DLG2: variants seen among roughly 807,000 people sequenced by gnomAD.
DLG2 encodes discs large MAGUK scaffold protein 2.
A neutral mutation model predicts 132.5 loss-of-function variants in DLG2; 45 were observed. The observed-to-expected ratio is 0.34, with a 90% CI of 0.27 to 0.44. DLG2 has a LOEUF of 0.44. Ranked by LOEUF, DLG2 falls within the 20% of genes least tolerant of loss-of-function variation. DLG2 has a pLI of 1.00. For missense variants in DLG2, 1,045 were observed against 1,196.9 expected (o/e 0.87, Z 1.87); for synonymous variants, 424 against 419.6 (o/e 1.01, Z -0.13).
chr11:84,563,881 G>A (rs1454062958), intron 6 of DLG2, among the ~76,000 whole-genome samples: 1 of 152,136 alleles, frequency 6.6e-6, no homozygotes, highest in African/African-American at 2.4e-5. Context: ...GGCTAGAAAA[G>A]TGGCTCTCTT....
Position 85,525,792 on chromosome 11 carries a change from T to C in DLG2, c.40+72865A>G, listed in dbSNP as rs1225484534. 2.0e-5 allele frequency among the ~76,000 whole-genome samples: 3 copies of C among 152,160 alleles called. No individual in the cohort carries two copies. In the East Asian group the frequency reaches 5.8e-4, roughly 29 times the overall value. The stretch of plus-strand genomic sequence containing the variant: ...TAGAGAACTCAGTTTATGCATGTAG[T>C]CTCTCTGAGAAGATGAAGCTGGGAA... On this transcript the variant is annotated intron_variant, in intron 3 of 27. Coordinates refer to ENST00000376104, the MANE Select transcript of DLG2 (RefSeq NM_001142699.3).
At chr11:83,766,270 T>G (rs2094140198) in intron 18 of DLG2, among the ~76,000 whole-genome samples, 1 of 152,022 alleles carries the variant, frequency 6.6e-6, no homozygotes, top group African/African-American at 2.4e-5. Flanking sequence ...ATTTTTTGTA[T>G]TTTTAGTACA....
At chr11:85,540,299 C>T (rs780274708) in intron 3 of DLG2, among the ~76,000 whole-genome samples, 2 of 152,196 alleles carry the variant, frequency 1.3e-5, no homozygotes, top group Admixed American at 1.3e-4. Context: ...AACCCCAAGA[C>T]CCTAGCAGGC....
intron 4 of DLG2, among the ~76,000 whole-genome samples, chr11:85,263,332 A>G (rs950922558): frequency 6.6e-6 from 1 of 152,190 alleles, no homozygotes; most frequent in South Asian, 2.1e-4. Flanking sequence ...GGCTCTCTTC[A>G]TGGGAGAATT....
chr11:84,110,912 A>G (rs2093312710), intron 9 of DLG2, among the ~76,000 whole-genome samples: 1 of 152,112 alleles, frequency 6.6e-6, no homozygotes, highest in African/African-American at 2.4e-5. Flanking sequence ...ACTGCTCACC[A>G]TTCAGTGAAC....
intron 6 of DLG2, among the ~76,000 whole-genome samples, chr11:84,552,074 G>A (rs1405837555): frequency 2.6e-5 from 4 of 152,148 alleles, no homozygotes; most frequent in African/African-American, 9.7e-5. Flanking sequence ...TACTACAGCT[G>A]TAGCTATCTC....
intron 15 of DLG2, among the ~76,000 whole-genome samples, chr11:83,897,677 C>T (rs2072174087): frequency 6.6e-6 from 1 of 151,948 alleles, no homozygotes; most frequent in African/African-American, 2.4e-5. Context: ...ACTGAATGTT[C>T]TATGTACAAG....
rs550125260 is a variant in DLG2, at chr11:85,287,521, C to G, written c.41-2156G>C. Among the ~76,000 whole-genome samples the G allele has an allele frequency of 3.9e-5, 6 of 152,146 alleles. No individual in the cohort carries two copies. In the East Asian group the frequency reaches 1.2e-3, roughly 29 times the overall value. ...ATAATTAAGTCTCACAGTACAAGGA[C>G]TAGAAAAAGACATGAATCCTTGGTA... On this transcript the variant is annotated intron_variant, in intron 3 of 27. Transcript: ENST00000376104.
chr11:83,594,351 G>A (rs965360857), intron 19 of DLG2, among the ~76,000 whole-genome samples: 2 of 152,226 alleles, frequency 1.3e-5, no homozygotes, highest in African/African-American at 2.4e-5. Context: ...AAACTTTTAT[G>A]TGTGAAGCTA....
intron 5 of DLG2, among the ~76,000 whole-genome samples, chr11:85,148,111 C>A (rs1289966464): frequency 2.0e-5 from 3 of 152,138 alleles, no homozygotes; most frequent in Admixed American, 2.0e-4. Context: ...GCATATTATT[C>A]CATGGTGTGT....
chr11:84,150,174 A>G (rs967871186), intron 9 of DLG2, among the ~76,000 whole-genome samples: 45 of 152,276 alleles, frequency 3.0e-4, no homozygotes, highest in African/African-American at 1.1e-3. Context: ...AACGGTATTG[A>G]TTCTTCCAAT....
chr11:85,519,985 C>A (rs2074152918), intron 3 of DLG2, among the ~76,000 whole-genome samples: 1 of 152,134 alleles, frequency 6.6e-6, no homozygotes, highest in Non-Finnish European at 1.5e-5. Context: ...TTGTAAATTG[C>A]CCAGTCTCAG....
Position 83,980,596 on chromosome 11 carries a change from A to T in DLG2, c.966T>A (p.Pro322=). 6.8e-6 allele frequency: 11 copies of T among 1,613,634 alleles called. No individual in the cohort carries two copies. The highest frequency in any genetic ancestry group is 9.3e-6 in the Non-Finnish European group (11 of 1,179,742). The change falls in exon 12 of 28, where the codon CCT becomes CCA. Residue 322 remains proline (P), a synonymous_variant. Coordinates refer to ENST00000376104, the MANE Select transcript of DLG2 (RefSeq NM_001142699.3). ...IAGGVGNQHI[P]GDNSIYVTKI... is the part of the protein sequence containing the mutation. ...TAGTTACATAAATGCTGTTGTCTCC[A>T]GGAATGTGTTGGTTCCCCACACCTC...
At chr11:84,423,459 C>A (rs912673699) in intron 7 of DLG2, among the ~76,000 whole-genome samples, 1 of 152,110 alleles carries the variant, frequency 6.6e-6, no homozygotes, top group Admixed American at 6.5e-5. Flanking sequence ...TTTTTATCAT[C>A]TAAGATGGAC....
At chr11:83,765,219 C>T (rs2094091558) in intron 18 of DLG2, among the ~76,000 whole-genome samples, 4 of 152,182 alleles carry the variant, frequency 2.6e-5, no homozygotes, top group African/African-American at 9.6e-5. Flanking sequence ...TGTGTTAAAA[C>T]AATTTTTTTA....
intron 7 of DLG2, among the ~76,000 whole-genome samples, chr11:84,525,770 T>C (rs1470907326): frequency 6.6e-6 from 1 of 152,202 alleles, no homozygotes; most frequent in Non-Finnish European, 1.5e-5. Context: ...CCCATCTCTC[T>C]TGCTTTATGG....
At chr11:83,990,598 A>G (rs2093653101) in intron 11 of DLG2, among the ~76,000 whole-genome samples, 3 of 152,286 alleles carry the variant, frequency 2.0e-5, no homozygotes, top group African/African-American at 7.2e-5. Flanking sequence ...CTCAGAATAA[A>G]TACTCAAATG....
rs187128496 is a variant in DLG2, at chr11:85,585,775, A to G, written c.40+12882T>C. On this transcript the variant is annotated intron_variant, in intron 3 of 27. Coordinates refer to ENST00000376104, the MANE Select transcript of DLG2 (RefSeq NM_001142699.3). ...GTCACCCAGGCTGGAGTGCAGTGGC[A>G]TGATCTTGGCTCACTGCAACCTCTG... Among the ~76,000 whole-genome samples, 8 of 151,144 alleles carry G rather than the reference A, an allele frequency of 5.3e-5. No homozygotes were observed. The East Asian group carries it at 1.2e-3, about 22-fold the overall frequency.
intron 6 of DLG2, among the ~76,000 whole-genome samples, chr11:84,858,992 CT>C (rs765118352): frequency 2.0e-5 from 3 of 151,824 alleles, no homozygotes; most frequent in Admixed American, 6.6e-5. Context: ...GGTCAAGATG[CT>C]TAATCTTTTT....
Sources: gnomAD v4.1 joint callset for allele counts (sites outside exome capture counted in the v4.1 genomes callset) on GRCh38, gnomAD v4.1.1 for gene constraint, MANE v1.5 for transcripts, NCBI Gene and HGNC (gene_info 2026-07-23, HGNC 2026-07-21) for gene names.